FBXO10: variants seen among roughly 807,000 people sequenced by gnomAD.
The protein encoded by FBXO10 is F-box only protein 10.
FBXO10 carries 39 observed loss-of-function variants against 80.7 expected under a neutral mutation model. That is an observed-to-expected ratio of 0.48 (90% CI 0.37 to 0.63). The LOEUF is 0.63. Ranked by LOEUF, FBXO10 falls within the 30% of genes least tolerant of loss-of-function variation. FBXO10 has a pLI of 0.00. For missense variants in FBXO10, 1,025 were observed against 1,269.0 expected (o/e 0.81, Z 2.92); for synonymous variants, 449 against 489.6 (o/e 0.92, Z 1.09).
chr9:37,513,430 C>T (rs1438690456), intron 10 of FBXO10, among the ~76,000 whole-genome samples: 1 of 152,192 alleles, frequency 6.6e-6, no homozygotes, highest in Admixed American at 6.5e-5. Context: ...TACACCCATA[C>T]AGGGGAAGAC....
At position 37,521,853 on chromosome 9, in the gene FBXO10, G is replaced by A; in HGVS notation, c.1931-15C>T. 2 of 1,554,502 alleles carry A rather than the reference G, an allele frequency of 1.3e-6. No homozygotes were observed. The highest frequency in any genetic ancestry group is 1.7e-6 in the Non-Finnish European group (2 of 1,152,930). ...GCCCTTGTTAGCTGGGACAGTGAGA[G>A]GAGCTGGTCACCGACACTGAACTCA... On this transcript the variant is annotated splice_polypyrimidine_tract_variant and intron_variant, in intron 7 of 10. Coordinates refer to ENST00000432825, the MANE Select transcript of FBXO10 (RefSeq NM_012166.3).
At chr9:37,558,526 T>C (rs1400799022) in intron 1 of FBXO10, among the ~76,000 whole-genome samples, 1 of 152,214 alleles carries the variant, frequency 6.6e-6, no homozygotes. Context: ...TAGTAGCTCA[T>C]CAATAATGAA....
At chr9:37,525,836 G>C (rs924847447) in intron 5 of FBXO10, among the ~76,000 whole-genome samples, 4 of 152,040 alleles carry the variant, frequency 2.6e-5, no homozygotes, top group Admixed American at 1.3e-4. Context: ...ACCGCGCCTG[G>C]CCTTATATGT....
intron 8 of FBXO10, 56 bp downstream of exon 8, chr9:37,521,513 A>G (rs1821344289): frequency 1.4e-6 from 2 of 1,427,640 alleles, no homozygotes; most frequent in Non-Finnish European, 1.8e-6. Flanking sequence ...GAGAAAAAAA[A>G]AGACAGTGGG....
rs1821789705 is a variant in FBXO10 at position 37,537,209 on chromosome 9, C to T, written c.1320G>A (p.Gly440=). 6.2e-7 allele frequency: 1 copy of T among 1,613,948 alleles called. No individual in the cohort carries two copies. The highest frequency in any genetic ancestry group is 8.5e-7 in the Non-Finnish European group (1 of 1,179,902). ...GGGAGCAGACGAAGACGCCTCCCTT[C>T]CCGTCCCGGAAGAGGCACTTGCGGA... ...CLIRKCLFRD[G]KGGVFVCSHG... The change falls in exon 3 of 11, where the codon GGG becomes GGA. Residue 440 remains glycine, a synonymous_variant. Transcript: ENST00000432825.
chr9:37,575,319 T>G (rs1180360079), intron 1 of FBXO10, among the ~76,000 whole-genome samples: 1 of 152,176 alleles, frequency 6.6e-6, no homozygotes, highest in Non-Finnish European at 1.5e-5. Flanking sequence ...AGAAAAGGTC[T>G]TACAAACCAA....
intron 1 of FBXO10, among the ~76,000 whole-genome samples, chr9:37,547,264 G>T (rs1398418524): frequency 6.6e-6 from 1 of 152,132 alleles, no homozygotes; most frequent in Non-Finnish European, 1.5e-5. Context: ...ATAAACCATT[G>T]ATGTAGACAA....
chr9:37,532,373 T>TTAC (rs1414452793), intron 3 of FBXO10, among the ~76,000 whole-genome samples: 1 of 151,320 alleles, frequency 6.6e-6, no homozygotes, highest in Non-Finnish European at 1.5e-5. Context: ...TGATCTCGGC[T>TTAC]TACTGCAAGC....
chr9:37,540,845 C>T (rs1016887929), intron 2 of FBXO10, among the ~76,000 whole-genome samples: 5 of 152,178 alleles, frequency 3.3e-5, no homozygotes, highest in African/African-American at 1.2e-4. Context: ...GGGCTCTCTG[C>T]TTCCTGTCAC....
intron 1 of FBXO10, among the ~76,000 whole-genome samples, chr9:37,569,953 G>A (rs1048161831): frequency 6.6e-6 from 1 of 152,126 alleles, no homozygotes; most frequent in Admixed American, 6.5e-5. Context: ...CACATTTCTC[G>A]AATATAATAT....
chr9:37,533,691 T>G (rs895901694), intron 3 of FBXO10, among the ~76,000 whole-genome samples: 1 of 151,562 alleles, frequency 6.6e-6, no homozygotes, highest in African/African-American at 2.4e-5. Flanking sequence ...GCCAACATGG[T>G]GAAACCCCAT....
chr9:37,520,867 G>A (rs1487796279), intron 8 of FBXO10, among the ~76,000 whole-genome samples: 2 of 152,164 alleles, frequency 1.3e-5, no homozygotes, highest in Non-Finnish European at 2.9e-5. Context: ...GCACTGAGCT[G>A]GGTGGGCTTC....
rs770854422 is a variant in FBXO10 at position 37,512,371 on chromosome 9, ACTTT to A, written c.*172_*175del. On this transcript the variant is annotated 3_prime_UTR_variant, in exon 11 of 11. Transcript: ENST00000432825. ...CCCTTCTCCCTGAAAAACATTGCCC[ACTTT>A]CTTCTTGCTATGGGCTGTGGAGCTG... The A allele has an allele frequency of 1.5e-5, 8 of 537,442 alleles. No individual in the cohort carries two copies. Among genetic ancestry groups the A allele is most frequent in the Non-Finnish European group, 2.2e-5 (7 of 319,476 alleles). The allele number at this position is 537,442 out of a possible 1,614,324, so 33.3% of individuals were successfully genotyped here. A position where few individuals can be genotyped will look rare whatever the true frequency, so the allele number is the denominator to read the frequency against.
intron 10 of FBXO10, among the ~76,000 whole-genome samples, chr9:37,514,467 C>A (rs890535577): frequency 1.3e-4 from 20 of 152,096 alleles, no homozygotes; most frequent in African/African-American, 3.9e-4. Context: ...TAACTGTATA[C>A]TTTAAAATTT....
Position 37,518,577 on chromosome 9 carries a change from C to T in FBXO10, c.2201-139G>A, listed in dbSNP as rs1821244791. The T allele has an allele frequency of 4.3e-6, 3 of 702,206 alleles. No individual in the cohort carries two copies. The Admixed American group carries it at 9.5e-5, about 22-fold the overall frequency. 43.5% of individuals were successfully genotyped at this position (702,206 alleles called of 1,614,324 possible). On this transcript the variant is annotated intron_variant, in intron 8 of 10. Transcript: ENST00000432825. ...GAGGTACCAACACTCAGAAACAACC[C>T]TTGAGTTTGCGTCTTCCAAGCTGAT...
intron 1 of FBXO10, among the ~76,000 whole-genome samples, chr9:37,571,668 A>G (rs1222282118): frequency 6.8e-6 from 1 of 146,626 alleles, no homozygotes; most frequent in Non-Finnish European, 1.5e-5. Flanking sequence ...CTGCTTCTAC[A>G]GAATGGGATC....
In FBXO10 at chr9:37,529,176, A is replaced by C; in HGVS notation, c.1654T>G (p.Ser552Ala). 9.3e-6 allele frequency: 15 copies of C among 1,613,962 alleles called. No individual in the cohort carries two copies. Among genetic ancestry groups the C allele is most frequent in the Non-Finnish European group, 1.2e-5 (14 of 1,179,882 alleles). ...ATGTAAATGCCAGCCTCCTTATTGGAAAAGATTTGATTGTTCCGGATGATG... is the reference window on the plus strand; with the variant it reads ...ATGTAAATGCCAGCCTCCTTATTGGCAAAGATTTGATTGTTCCGGATGATG... ...KGIIRNNQIF[S>A]NKEAGIYILY... Residue 552 changes from serine (S) to alanine (A), a missense_variant, in exon 5 of 11, where the codon TCC becomes GCC. By Grantham distance (99) the Ser-to-Ala change is moderately conservative (BLOSUM62 1). Transcript: ENST00000432825.
chr9:37,528,999 G>T, intron 5 of FBXO10, 125 bp downstream of exon 5: 2 of 1,280,300 alleles, frequency 1.6e-6, no homozygotes, highest in Non-Finnish European at 2.2e-6. Flanking sequence ...TACTGGGGTG[G>T]GATGATGAGT....
intron 1 of FBXO10, among the ~76,000 whole-genome samples, chr9:37,556,444 T>C (rs752644363): frequency 9.9e-5 from 15 of 152,106 alleles, no homozygotes; most frequent in Middle Eastern, 3.2e-3. Context: ...CCCAGGACCA[T>C]TTGTTAAAAA....
Sources: allele counts gnomAD v4.1 joint callset (sites outside exome capture counted in the v4.1 genomes callset), GRCh38; gene constraint gnomAD v4.1.1; transcripts MANE v1.5; gene names NCBI Gene and HGNC (gene_info 2026-07-23, HGNC 2026-07-21).